The following NCOA6 variants were observed in gnomAD, a reference collection of about 807,000 sequenced individuals.
The protein encoded by NCOA6 is NRC RAP250.
NCOA6 carries 49 observed loss-of-function variants against 171.4 expected under a neutral mutation model. The ratio of observed to expected loss-of-function variants is 0.29; its 90% confidence interval spans 0.23 to 0.36. The LOEUF is 0.36. Ranked by LOEUF, NCOA6 falls within the 10% of genes least tolerant of loss-of-function variation. The pLI is 1.00. For synonymous variants in NCOA6, 910 were observed against 927.5 expected (o/e 0.98, Z 0.34); for missense variants, 2,248 against 2,554.5 (o/e 0.88, Z 2.59).
rs2076407714 is a variant in NCOA6 at position 34,749,636 on chromosome 20, G to A, written c.2559C>T (p.Phe853=). 2 of 1,614,092 alleles carry A rather than the reference G, an allele frequency of 1.2e-6. No homozygotes were observed. The highest frequency in any genetic ancestry group is 1.3e-5 in the African/African-American group (1 of 74,922). The part of the protein sequence containing the change: ...GNHFSGHGMS[F]NAPFSGAPNG... ...TGGGAGCTCCACTGAAAGGTGCATT[G>A]AAAGACATCCCATGGCCTGAGAAGT... The change falls in exon 9 of 15, where the codon TTC becomes TTT. Residue 853 remains phenylalanine, a synonymous_variant. Coordinates refer to ENST00000359003, the MANE Select transcript of NCOA6 (RefSeq NM_014071.5).
chr20:34,722,480 G>A (rs1308094623), intron 14 of NCOA6, among the ~76,000 whole-genome samples: 1 of 151,908 alleles, frequency 6.6e-6, no homozygotes, highest in Non-Finnish European at 1.5e-5. Flanking sequence ...AGGAGCTCAA[G>A]ATCAGCCTGG....
chr20:34,735,600 C>T (rs1347039978), intron 12 of NCOA6, among the ~76,000 whole-genome samples: 4 of 151,102 alleles, frequency 2.6e-5, no homozygotes, highest in South Asian at 2.1e-4. Flanking sequence ...GCCGAGATTG[C>T]GCCACTGCAC....
At chr20:34,780,684 A>T (rs1432245840) in intron 3 of NCOA6, among the ~76,000 whole-genome samples, 1 of 138,932 alleles carries the variant, frequency 7.2e-6, no homozygotes, top group Non-Finnish European at 1.6e-5. Context: ...ACAGGGTCTC[A>T]CTCTGTCACA....
At chr20:34,745,107 A>C (rs1365054201) in intron 10 of NCOA6, among the ~76,000 whole-genome samples, 2 of 152,214 alleles carry the variant, frequency 1.3e-5, no homozygotes, top group Non-Finnish European at 2.9e-5. Context: ...CACAAACTGA[A>C]TTTATTACTC....
intron 6 of NCOA6, 151 bp downstream of exon 6, chr20:34,758,654 T>G: frequency 2.0e-6 from 2 of 1,014,612 alleles, no homozygotes; most frequent in Non-Finnish European, 2.9e-6. Context: ...AATAATGACA[T>G]TTAGTTTGAA....
At chr20:34,776,236 T>C in intron 4 of NCOA6, 57 bp downstream of exon 4, 2 of 1,555,360 alleles carry the variant, frequency 1.3e-6, no homozygotes, top group Non-Finnish European at 1.7e-6. Context: ...AAAATCATGC[T>C]ATATTCTACT....
intron 5 of NCOA6, among the ~76,000 whole-genome samples, chr20:34,768,235 G>C (rs1289476183): frequency 6.6e-6 from 1 of 152,180 alleles, no homozygotes; most frequent in South Asian, 2.1e-4. Flanking sequence ...AATGTTTGCT[G>C]CATGGCTCAG....
intron 8 of NCOA6, among the ~76,000 whole-genome samples, chr20:34,752,063 G>A (rs184581686): frequency 3.8e-4 from 58 of 152,204 alleles, no homozygotes; most frequent in African/African-American, 1.3e-3. Flanking sequence ...TCAGCATGTT[G>A]GTCAGGCTGG....
chr20:34,763,496 T>C (rs543089514), intron 5 of NCOA6, among the ~76,000 whole-genome samples: 4 of 152,214 alleles, frequency 2.6e-5, no homozygotes, highest in Non-Finnish European at 5.9e-5. Flanking sequence ...ACATTCCTAT[T>C]ACCTAAAATT....
In NCOA6 at chr20:34,776,434, T is replaced by C. The variant is rs1185796952; in HGVS notation, c.250A>G (p.Lys84Glu). 1 of 1,614,038 alleles carries C rather than the reference T, an allele frequency of 6.2e-7. No individual in the cohort carries two copies. The highest frequency in any genetic ancestry group is 8.5e-7 in the Non-Finnish European group (1 of 1,179,978). Reference protein sequence around the residue: ...NLLHMESSKLKVQKVEPWNSV... With the variant: ...NLLHMESSKLEVQKVEPWNSV... ...TTCCAGGGCTCCACCTTCTGTACTT[T>C]TAGCTTGCTGGACTCTTGATTGTGA... Residue 84 changes from lysine to glutamate, a missense_variant, in exon 4 of 15, where the codon AAA (lysine) becomes GAA (glutamate). Transcript: ENST00000359003.
intron 2 of NCOA6, among the ~76,000 whole-genome samples, chr20:34,785,812 A>T (rs1320142911): frequency 6.6e-6 from 1 of 152,104 alleles, no homozygotes; most frequent in African/African-American, 2.4e-5. Context: ...TAGATCTGGA[A>T]AATCTTCTAC....
rs112643450 is a variant in NCOA6 at position 34,727,762 on chromosome 20, C to T, written c.6000-355G>A. ...TTTTCCAGACAGAGTGTCACTCTGT[C>T]GCCCAGGCTGGAGTGCAGTGGCGCT... is the stretch of plus-strand genomic sequence containing the variant. On this transcript the variant is annotated intron_variant, in intron 13 of 14. Coordinates refer to ENST00000359003, the MANE Select transcript of NCOA6 (RefSeq NM_014071.5). 1.6e-4 allele frequency among the ~76,000 whole-genome samples: 23 copies of T among 147,786 alleles called. No homozygotes were observed. In the South Asian group the frequency reaches 2.6e-3, roughly 16 times the overall value.
chr20:34,749,822 T>A lies in NCOA6; in HGVS notation c.2373A>T (p.Pro791=). ...MGIQGQVLRP[P]GPSPHMAQQH... ...GCTGGGCCATGTGTGGGCTGGGCCCTGGTGGCCGCAGGACCTGTCCCTGAA... is the reference window on the plus strand; with the variant it reads ...GCTGGGCCATGTGTGGGCTGGGCCCAGGTGGCCGCAGGACCTGTCCCTGAA... Residue 791 remains proline (P), a synonymous_variant, in exon 9 of 15, where the codon CCA becomes CCT. Transcript: ENST00000359003. The A allele has an allele frequency of 6.2e-7, 1 of 1,614,244 alleles. No individual in the cohort carries two copies. Among genetic ancestry groups the A allele is most frequent in the Non-Finnish European group, 8.5e-7 (1 of 1,180,034 alleles).
rs1988378784 is a variant in NCOA6, at chr20:34,715,212, T to TTAG, written c.*109_*110insCTA. Reference sequence around the variant, plus strand: ...TGCAGGGACTAGGAAAAGGGCCACATTATTAAAATTACTAACTGTACAGAA... The same window carrying TTAG: ...TGCAGGGACTAGGAAAAGGGCCACATTAGTATTAAAATTACTAACTGTACAGAA... On this transcript the variant is annotated 3_prime_UTR_variant, in exon 15 of 15. Coordinates refer to ENST00000359003, the MANE Select transcript of NCOA6 (RefSeq NM_014071.5). 2 of 1,427,842 alleles carry TTAG rather than the reference T, an allele frequency of 1.4e-6. No individual in the cohort carries two copies. Among genetic ancestry groups the TTAG allele is most frequent in the Admixed American group, 1.7e-5 (1 of 57,678 alleles). 88.4% of individuals were successfully genotyped at this position (1,427,842 alleles called of 1,614,324 possible).
intron 1 of NCOA6, among the ~76,000 whole-genome samples, chr20:34,822,921 ACT>A (rs2079050388): frequency 6.6e-6 from 1 of 152,136 alleles, no homozygotes; most frequent in Non-Finnish European, 1.5e-5. Flanking sequence ...CAGTTCTGTG[ACT>A]CTGTAACAAC....
chr20:34,742,602 T>C lies in NCOA6; in HGVS notation c.3654A>G (p.Arg1218=). 1 of 1,614,054 alleles carries C rather than the reference T, an allele frequency of 6.2e-7. No individual in the cohort carries two copies. The highest frequency in any genetic ancestry group is 1.1e-5 in the South Asian group (1 of 91,060). The part of the protein sequence containing the change: ...RPKTPNRASP[R]PYYPQTPNNR... The stretch of plus-strand genomic sequence containing the variant: ...TGTTGGGTGTCTGAGGATAATAGGG[T>C]CTGGGGCTGGCTCTGTTTGGTGTTT... Residue 1218 remains arginine, a synonymous_variant, in exon 11 of 15, where the codon AGA becomes AGG. Coordinates refer to ENST00000359003, the MANE Select transcript of NCOA6 (RefSeq NM_014071.5).
At chr20:34,785,896 G>C (rs1007120445) in intron 2 of NCOA6, among the ~76,000 whole-genome samples, 1 of 147,728 alleles carries the variant, frequency 6.8e-6, no homozygotes, top group Non-Finnish European at 1.5e-5. Flanking sequence ...AAAAAAAACA[G>C]AGAGAAATTG....
Position 34,750,085 on chromosome 20 carries a change from G to T in NCOA6, c.2110C>A (p.Gln704Lys), listed in dbSNP as rs1317179060. 3.1e-6 allele frequency: 5 copies of T among 1,614,168 alleles called. No individual in the cohort carries two copies. The highest frequency in any genetic ancestry group is 3.4e-6 in the Non-Finnish European group (4 of 1,180,028). Residue 704 changes from glutamine to lysine, a missense_variant, in exon 9 of 15, where the codon CAG becomes AAG. Gln to Lys is a moderately conservative substitution (Grantham distance 53, BLOSUM62 1). Coordinates refer to ENST00000359003, the MANE Select transcript of NCOA6 (RefSeq NM_014071.5). ...PHNQMMGPQG[Q>K]VLLQQNPMIE... ...ATTGGGTTCTGTTGGAGCAAAACCT[G>T]CCCCTGAGGCCCCATCATCTGGTTA...
At position 34,743,348 on chromosome 20, in the gene NCOA6, C is replaced by T; in HGVS notation, c.2915-7G>A. On this transcript the variant is annotated splice_region_variant and splice_polypyrimidine_tract_variant and intron_variant, in intron 10 of 14. Transcript: ENST00000359003. ...ACTGGTTGAGAAGGATAACCTAAAA[C>T]AAGCCCCCCAAATTAGGGAAGTTAG... 3 of 1,585,048 alleles carry T rather than the reference C, an allele frequency of 1.9e-6. No homozygotes were observed. Among genetic ancestry groups the T allele is most frequent in the Non-Finnish European group, 2.6e-6 (3 of 1,162,734 alleles).
Sources: allele counts gnomAD v4.1 joint callset (sites outside exome capture counted in the v4.1 genomes callset), GRCh38; gene constraint gnomAD v4.1.1; transcripts MANE v1.5; gene names NCBI Gene and HGNC (gene_info 2026-07-23, HGNC 2026-07-21).